The following ZSCAN18 variants were observed in gnomAD, a reference collection of about 807,000 sequenced individuals.
ZSCAN18 encodes the protein zinc finger and SCAN domain containing 18.
Under a neutral mutation model 31.1 loss-of-function variants are expected in ZSCAN18, and 16 were observed. The observed-to-expected ratio is 0.51, with a 90% CI of 0.35 to 0.78. ZSCAN18 has a LOEUF of 0.78. ZSCAN18 is among the 30% of genes least tolerant of loss of function. The pLI, the probability that ZSCAN18 is intolerant of heterozygous loss-of-function variation, is 0.01. For synonymous variants in ZSCAN18, 375 were observed against 320.7 expected (o/e 1.17, Z -1.81); for missense variants, 731 against 697.4 (o/e 1.05, Z -0.54).
chr19:58,086,582 A>C (rs932720859), intron 5 of ZSCAN18: 12 of 467,128 alleles, frequency 2.6e-5, no homozygotes, highest in African/African-American at 2.4e-4. Flanking sequence ...GAACGTCTAC[A>C]AAAGAGGAGA....
upstream of ZSCAN18, among the ~76,000 whole-genome samples, chr19:58,098,621 G>A (rs531940642): frequency 6.6e-6 from 1 of 152,272 alleles, no homozygotes; most frequent in Non-Finnish European, 1.5e-5. Flanking sequence ...AGTCGGACAC[G>A]GAAAGGGAGA....
chr19:58,114,764 C>A (rs543815769), intron 1 of ZSCAN18, among the ~76,000 whole-genome samples: 5 of 152,264 alleles, frequency 3.3e-5, no homozygotes, highest in African/African-American at 1.2e-4. Flanking sequence ...GATGGGCATT[C>A]ATGATACTCT....
chr19:58,105,867 T>A (rs1407167121), intron 1 of ZSCAN18, among the ~76,000 whole-genome samples: 3 of 151,572 alleles, frequency 2.0e-5, no homozygotes, highest in African/African-American at 7.3e-5. Context: ...TAGTCCCAGC[T>A]ACTCAAGAGG....
chr19:58,089,317 A>C (rs1279367182), intron 2 of ZSCAN18, among the ~76,000 whole-genome samples: 1 of 117,920 alleles, frequency 8.5e-6, no homozygotes, highest in African/African-American at 3.8e-5. Context: ...AAAAAAAAAA[A>C]AAAAAAAAAA....
chr19:58,117,862 T>TA (rs1443851947), intron 1 of ZSCAN18, among the ~76,000 whole-genome samples: 1 of 150,152 alleles, frequency 6.7e-6, no homozygotes, highest in East Asian at 2.0e-4. Flanking sequence ...GAGAGAGAGT[T>TA]AGAGGGTCCG....
rs917756930 is a variant in ZSCAN18 at position 58,085,390 on chromosome 19, G to T, written c.839-11C>A. 3 of 1,582,538 alleles carry T rather than the reference G, an allele frequency of 1.9e-6. No individual in the cohort carries two copies. Among genetic ancestry groups the T allele is most frequent in the African/African-American group, 1.3e-5 (1 of 74,254 alleles). Reference sequence around the variant, plus strand: ...GCCGCCTCCCGCCTTCTGGAACAAGGTCAGAGCCCTAGCGTGAGCGCCCCG... The same window carrying T: ...GCCGCCTCCCGCCTTCTGGAACAAGTTCAGAGCCCTAGCGTGAGCGCCCCG... On this transcript the variant is annotated splice_polypyrimidine_tract_variant and intron_variant, in intron 6 of 6. Coordinates refer to ENST00000601144, the MANE Select transcript of ZSCAN18 (RefSeq NM_001145543.2).
intron 1 of ZSCAN18, among the ~76,000 whole-genome samples, chr19:58,091,518 T>C (rs1215760506): frequency 8.4e-6 from 1 of 118,464 alleles, no homozygotes; most frequent in Non-Finnish European, 1.7e-5. Flanking sequence ...GGGCAGGAAG[T>C]ACCCAGGAGC....
At chr19:58,113,451 C>T (rs2074704478) in intron 1 of ZSCAN18, among the ~76,000 whole-genome samples, 1 of 152,078 alleles carries the variant, frequency 6.6e-6, no homozygotes, top group South Asian at 2.1e-4. Flanking sequence ...TAAAGATAAG[C>T]TATCAATTTG....
chr19:58,091,377 A>G (rs1252101456), intron 1 of ZSCAN18, among the ~76,000 whole-genome samples: 2 of 152,116 alleles, frequency 1.3e-5, no homozygotes, highest in African/African-American at 4.8e-5. Flanking sequence ...CTGAAATAAA[A>G]TTATTTAGAA....
In ZSCAN18 at chr19:58,090,889, A is replaced by G. The variant is rs1465431057; in HGVS notation, c.-119-503T>C. On this transcript the variant is annotated intron_variant, in intron 1 of 6. Transcript: ENST00000601144. The surrounding 1 kb of genome is among the most constrained non-coding windows in gnomAD (Gnocchi z 4.7). ...ACAGGTGTGAGCCACTGCGCCCAGC[A>G]TCATTACCAGAATTTTAAAAAATCA... is the stretch of plus-strand genomic sequence containing the variant. 6.6e-6 allele frequency among the ~76,000 whole-genome samples: 1 copy of G among 151,668 alleles called. No homozygotes were observed. The highest frequency in any genetic ancestry group is 1.5e-5 in the Non-Finnish European group (1 of 67,896).
chr19:58,085,072 G>T lies in ZSCAN18; in HGVS notation c.1146C>A (p.Leu382=). 3 of 1,602,398 alleles carry T rather than the reference G, an allele frequency of 1.9e-6. No individual in the cohort carries two copies. The highest frequency in any genetic ancestry group is 2.6e-6 in the Non-Finnish European group (3 of 1,173,448). ...PHPEDGDGQS[L]EGVSSSGDSA... is the part of the protein sequence containing the mutation. ...TGTCGCCGGAGCTAGAGACGCCCTC[G>T]AGGCTCTGCCCGTCCCCATCCTCGG... Residue 382 remains leucine (L), a synonymous_variant, in exon 7 of 7, where the codon CTC becomes CTA. Coordinates refer to ENST00000601144, the MANE Select transcript of ZSCAN18 (RefSeq NM_001145543.2).
At chr19:58,088,345 G>A (rs1035493415) in intron 3 of ZSCAN18, 2 of 208,678 alleles carry the variant, frequency 9.6e-6, no homozygotes, top group Non-Finnish European at 2.0e-5. Context: ...CCCTGATTAT[G>A]CATGTGTGAT....
At chr19:58,114,957 G>GA (rs2074718119) in intron 1 of ZSCAN18, among the ~76,000 whole-genome samples, 1 of 152,214 alleles carries the variant, frequency 6.6e-6, no homozygotes, top group Non-Finnish European at 1.5e-5. Flanking sequence ...GTTCAAGGGG[G>GA]AAAAATATGA....
At chr19:58,092,942 T>C (rs988644018) in intron 1 of ZSCAN18, among the ~76,000 whole-genome samples, 1 of 152,090 alleles carries the variant, frequency 6.6e-6, no homozygotes, top group South Asian at 2.1e-4. Context: ...ACCTGGCTAA[T>C]TTTTAATTTG....
intron 1 of ZSCAN18, among the ~76,000 whole-genome samples, chr19:58,104,251 C>T (rs766005046): frequency 4.6e-5 from 7 of 152,014 alleles, no homozygotes; most frequent in Non-Finnish European, 8.8e-5. Context: ...TGGTGGCGTG[C>T]GCCTGTAGTC....
In ZSCAN18 at chr19:58,090,541, T is replaced by C. The variant is rs1599965312; in HGVS notation, c.-119-155A>G. ...GTAGAACCTCAGTGTTGTACTCATG[T>C]AGATAAAAAGTAGCATGTAAATGGA... On this transcript the variant is annotated intron_variant, in intron 1 of 6. Transcript: ENST00000601144. The surrounding 1 kb of genome is among the most constrained non-coding windows in gnomAD (Gnocchi z 4.7). 1.3e-5 allele frequency: 8 copies of C among 615,094 alleles called. No individual in the cohort carries two copies. In the East Asian group the frequency reaches 2.4e-4, roughly 18 times the overall value. The allele number at this position is 615,094 out of a possible 1,614,324, so 38.1% of individuals were successfully genotyped here.
Position 58,106,628 on chromosome 19 carries a change from CG to C in ZSCAN18, c.130+11638del, listed in dbSNP as rs1303828262. On this transcript the variant is annotated intron_variant, in intron 1 of 1. Coordinates refer to the ZSCAN18 transcript ENST00000595721. The stretch of plus-strand genomic sequence containing the variant: ...CTGAGGCAGGAGAATGGCGTGAACC[CG>C]GGAGGCGGAGCTTGCAGTGAGCCGA... Among the ~76,000 whole-genome samples the C allele has an allele frequency of 7.0e-5, 2 of 28,508 alleles. 1 individual carries two copies. The highest frequency in any genetic ancestry group is 1.2e-3 in the East Asian group (2 of 1,696). 18.7% of individuals were successfully genotyped at this position (28,508 alleles called of 152,430 possible).
upstream of ZSCAN18, among the ~76,000 whole-genome samples, chr19:58,100,309 A>G (rs2074582927): frequency 6.6e-6 from 1 of 152,150 alleles, no homozygotes; most frequent in Non-Finnish European, 1.5e-5. Context: ...GAAGAGATGC[A>G]CAGCTAAGGT....
chr19:58,089,330 A>T lies in ZSCAN18; in HGVS notation c.404-493T>A, dbSNP rs984478845. Among the ~76,000 whole-genome samples, 90 of 129,726 alleles carry T rather than the reference A, an allele frequency of 6.9e-4. 3 individuals carry two copies. Among genetic ancestry groups the T allele is most frequent in the African/African-American group, 2.3e-3 (78 of 34,620 alleles). The allele number at this position is 129,726 out of a possible 152,430, so 85.1% of individuals were successfully genotyped here. A position where few individuals can be genotyped will look rare whatever the true frequency, so the allele number is the denominator to read the frequency against. On this transcript the variant is annotated intron_variant, in intron 2 of 6. Transcript: ENST00000601144. ...AAAAAAAAAAAAAAAAAAAAAAAAA[A>T]AAAAAAAAGAGGCTGGGCTGGGTGT...
Sources: gnomAD v4.1 joint callset for allele counts (sites outside exome capture counted in the v4.1 genomes callset) on GRCh38, gnomAD v4.1.1 for gene constraint, Gnocchi (gnomAD v3.1) non-coding constraint, MANE v1.5 for transcripts, NCBI Gene and HGNC (gene_info 2026-07-23, HGNC 2026-07-21) for gene names.